Variants in DSC3 observed in about 807,000 individuals in gnomAD.
The protein encoded by DSC3 is desmocollin-3.
A neutral mutation model predicts 89.5 loss-of-function variants in DSC3; 97 were observed. That is an observed-to-expected ratio of 1.08 (90% confidence interval 0.92 to 1.28). The LOEUF is 1.28. Ranked by LOEUF, DSC3 falls within the 50% of genes most tolerant of loss-of-function variation. DSC3 has a pLI of 0.00. For missense variants in DSC3, 1,199 were observed against 1,085.3 expected (o/e 1.10, Z -1.47); for synonymous variants, 436 against 384.1 (o/e 1.14, Z -1.58).
chr18:31,021,266 T>C (rs1985410137), intron 7 of DSC3, among the ~76,000 whole-genome samples: 1 of 152,122 alleles, frequency 6.6e-6, no homozygotes, highest in Non-Finnish European at 1.5e-5. Flanking sequence ...CTAAAACCTG[T>C]TAACTTGCAA....
intron 1 of DSC3, among the ~76,000 whole-genome samples, chr18:31,037,301 T>C (rs556661659): frequency 6.6e-6 from 1 of 152,346 alleles, no homozygotes; most frequent in South Asian, 2.1e-4. Context: ...TTATTAGTTC[T>C]AGTATCTGTT....
rs1985459807 is a variant in DSC3 at position 31,022,501 on chromosome 18, A to G, written c.777T>C (p.Gly259=). Residue 259 remains glycine (G), a splice_region_variant and synonymous_variant, in exon 7 of 16, where the codon GGT becomes GGC. Coordinates refer to ENST00000360428, the MANE Select transcript of DSC3 (RefSeq NM_001941.5). ...NFEVLESSRP[G]TTVGVVCATD... is the part of the protein sequence containing the mutation. The stretch of plus-strand genomic sequence containing the variant: ...TGGCACAAACCACCCCCACTGTAGT[A>G]CCTACACATTAAAAAATAAAACAGC... The G allele has an allele frequency of 1.9e-6, 3 of 1,613,906 alleles. No homozygotes were observed. Among genetic ancestry groups the G allele is most frequent in the Admixed American group, 1.7e-5 (1 of 59,986 alleles).
chr18:31,031,650 T>C (rs1013872354), intron 2 of DSC3, among the ~76,000 whole-genome samples: 10 of 152,138 alleles, frequency 6.6e-5, no homozygotes, highest in African/African-American at 2.4e-4. Context: ...ATCTCCGAAA[T>C]TTTCTTCCCA....
intron 9 of DSC3, among the ~76,000 whole-genome samples, chr18:31,012,654 T>C (rs1985108830): frequency 6.6e-6 from 1 of 152,228 alleles, no homozygotes; most frequent in South Asian, 2.1e-4. Flanking sequence ...GATAAATAAA[T>C]CTTTTAATTC....
intron 9 of DSC3, among the ~76,000 whole-genome samples, chr18:31,015,350 T>C (rs1044895787): frequency 6.6e-6 from 1 of 152,176 alleles, no homozygotes; most frequent in African/African-American, 2.4e-5. Flanking sequence ...ATGAGAAATA[T>C]TCTATGATAT....
chr18:31,031,963 G>A (rs1985804420), intron 2 of DSC3, among the ~76,000 whole-genome samples: 1 of 152,052 alleles, frequency 6.6e-6, no homozygotes, highest in South Asian at 2.1e-4. Context: ...ATCTGTCCCA[G>A]GTGGAAATAT....
intron 9 of DSC3, among the ~76,000 whole-genome samples, chr18:31,015,547 T>TTAGAAA (rs1555633465): frequency 3.3e-5 from 5 of 151,460 alleles, no homozygotes; most frequent in African/African-American, 1.2e-4. Context: ...TCAAAAAAAC[T>TTAGAAA]TAGAAATGTA....
intron 15 of DSC3, among the ~76,000 whole-genome samples, chr18:30,996,463 T>C (rs1984469227): frequency 6.6e-6 from 1 of 152,194 alleles, no homozygotes; most frequent in African/African-American, 2.4e-5. Flanking sequence ...GAAAAGTTTG[T>C]AATTGTGAGG....
At chr18:31,015,300 G>T (rs1233748372) in intron 9 of DSC3, among the ~76,000 whole-genome samples, 2 of 152,078 alleles carry the variant, frequency 1.3e-5, no homozygotes, top group Non-Finnish European at 2.9e-5. Flanking sequence ...ATCCTGGAGT[G>T]CTACTCAGAA....
chr18:31,016,068 C>T (rs773684525), intron 9 of DSC3, among the ~76,000 whole-genome samples: 43 of 152,240 alleles, frequency 2.8e-4, no homozygotes, highest in Middle Eastern at 3.4e-3. Flanking sequence ...ACAAATGCCA[C>T]GGTAATGCCC....
rs1447105725 is a variant in DSC3 at position 31,018,782 on chromosome 18, A to G, written c.961T>C (p.Leu321=). The G allele has an allele frequency of 2.5e-6, 4 of 1,613,780 alleles. No individual in the cohort carries two copies. The highest frequency in any genetic ancestry group is 2.5e-6 in the Non-Finnish European group (3 of 1,179,912). The part of the protein sequence containing the change: ...LDREVVDKYS[L]IMKVQDMDGQ... The stretch of plus-strand genomic sequence containing the variant: ...TCCATGTCTTGTACTTTCATTATCA[A>G]TGAGTACTTGTCTACAACCTGGAAA... Residue 321 remains leucine, a synonymous_variant, in exon 8 of 16, where the codon TTG becomes CTG. Transcript: ENST00000360428.
chr18:31,034,725 T>C (rs1267996248), intron 1 of DSC3, among the ~76,000 whole-genome samples: 1 of 152,000 alleles, frequency 6.6e-6, no homozygotes, highest in East Asian at 1.9e-4. Context: ...AGAAACTAGA[T>C]ACAAAACAAC....
At position 31,008,472 on chromosome 18, in the gene DSC3, A is replaced by G. The variant is rs942289774; in HGVS notation, c.1317T>C (p.Asn439=). The stretch of plus-strand genomic sequence containing the variant: ...GAATATCTCTAGCAAATGGCGCTTC[A>G]TTGTTTACTCCAATTTCCAGGTTCA... ...RQVNLEIGVN[N]EAPFARDIPR... Residue 439 remains asparagine (N), a synonymous_variant, in exon 10 of 16, where the codon AAT becomes AAC. Coordinates refer to ENST00000360428, the MANE Select transcript of DSC3 (RefSeq NM_001941.5). 1 of 1,614,062 alleles carries G rather than the reference A, an allele frequency of 6.2e-7. No homozygotes were observed. The highest frequency in any genetic ancestry group is 1.3e-5 in the African/African-American group (1 of 74,936).
chr18:31,000,813 T>G (rs1162395967), intron 14 of DSC3, among the ~76,000 whole-genome samples: 1 of 151,962 alleles, frequency 6.6e-6, no homozygotes, highest in Admixed American at 6.6e-5. Context: ...CCAAACTACA[T>G]GAGTACATTT....
intron 15 of DSC3, among the ~76,000 whole-genome samples, chr18:30,995,310 C>G (rs1420747761): frequency 2.0e-5 from 3 of 152,236 alleles, no homozygotes; most frequent in African/African-American, 7.2e-5. Context: ...TTAAGCTTCA[C>G]TCCATCTCAA....
intron 15 of DSC3, among the ~76,000 whole-genome samples, chr18:30,995,345 G>C (rs1243958404): frequency 6.6e-6 from 1 of 152,140 alleles, no homozygotes; most frequent in Non-Finnish European, 1.5e-5. Context: ...AATACTGACT[G>C]TCTAGAAGTA....
Position 30,994,339 on chromosome 18 carries a change from T to G in DSC3, c.2527A>C (p.Met843Leu). The part of the protein sequence containing the change: ...LHRCNQNEDR[M>L]PSQDYVLTYN... Reference sequence around the variant, plus strand: ...GTGAGGACATAATCTTGGGATGGCATGCGGTCTTCATTCTGATTACATCGA... The same window carrying G: ...GTGAGGACATAATCTTGGGATGGCAGGCGGTCTTCATTCTGATTACATCGA... Residue 843 changes from methionine (M) to leucine (L), a missense_variant, in exon 16 of 16, where the codon ATG (methionine) becomes CTG (leucine). Coordinates refer to ENST00000360428, the MANE Select transcript of DSC3 (RefSeq NM_001941.5). 1 of 1,614,148 alleles carries G rather than the reference T, an allele frequency of 6.2e-7. No homozygotes were observed. Among genetic ancestry groups the G allele is most frequent in the East Asian group, 2.2e-5 (1 of 44,868 alleles).
chr18:31,018,744 A>G lies in DSC3; in HGVS notation c.999T>C (p.Phe333=). The G allele has an allele frequency of 6.2e-7, 1 of 1,613,810 alleles. No homozygotes were observed. Among genetic ancestry groups the G allele is most frequent in the South Asian group, 1.1e-5 (1 of 91,076 alleles). ...TACAAGTTGATGTGCCTATCAATCC[A>G]AAAAACTGGCCATCCATGTCTTGTA... ...MKVQDMDGQF[F]GLIGTSTCII... is the part of the protein sequence containing the mutation. Residue 333 remains phenylalanine, a synonymous_variant, in exon 8 of 16, where the codon TTT becomes TTC. Transcript: ENST00000360428.
rs139800375 is a variant in DSC3 at position 31,004,062 on chromosome 18, G to A, written c.2113+80C>T. On this transcript the variant is annotated intron_variant, in intron 13 of 15. Transcript: ENST00000360428. ...ACTCACATCTGATGGATGCTTGGACGAGATTATTTTTTAAACATCTTTTCC... is the reference window on the plus strand; with the variant it reads ...ACTCACATCTGATGGATGCTTGGACAAGATTATTTTTTAAACATCTTTTCC... 5.1e-3 allele frequency: 5,696 copies of A among 1,110,074 alleles called. 36 individuals are homozygous for A. The highest frequency in any genetic ancestry group is 6.6e-3 in the Non-Finnish European group (4,973 of 750,418). 68.8% of individuals were successfully genotyped at this position (1,110,074 alleles called of 1,614,324 possible). A position where few individuals can be genotyped will look rare whatever the true frequency, so the allele number is the denominator to read the frequency against.
Sources: allele counts gnomAD v4.1 joint callset (sites outside exome capture counted in the v4.1 genomes callset), GRCh38; gene constraint gnomAD v4.1.1; transcripts MANE v1.5; gene names NCBI Gene and HGNC (gene_info 2026-07-23, HGNC 2026-07-21).